SGF29: variants seen among roughly 807,000 people sequenced by gnomAD.
SGF29 encodes the protein SAGA-associated factor 29.
In SGF29, 15 loss-of-function variants were observed where a neutral mutation model predicts 38.1. That is an observed-to-expected ratio of 0.39 (90% CI 0.26 to 0.61). The LOEUF (loss-of-function observed/expected upper bound fraction) is 0.61. SGF29 is among the 20% of genes least tolerant of loss of function. The pLI is 0.49. For missense variants in SGF29, 184 were observed against 394.6 expected (o/e 0.47, Z 4.52); for synonymous variants, 151 against 160.8 (o/e 0.94, Z 0.46).
intron 1 of SGF29, among the ~76,000 whole-genome samples, chr16:28,573,214 G>A (rs2046874882): frequency 6.6e-6 from 1 of 152,110 alleles, no homozygotes; most frequent in Non-Finnish European, 1.5e-5. Flanking sequence ...AAGTGGGGGT[G>A]AGGACCTGGG....
chr16:28,590,935 G>C lies in SGF29; in HGVS notation c.765G>C (p.Arg255=), dbSNP rs1187365142. 6.2e-7 allele frequency: 1 copy of C among 1,607,118 alleles called. No individual in the cohort carries two copies. The highest frequency in any genetic ancestry group is 8.5e-7 in the Non-Finnish European group (1 of 1,176,520). Reference sequence around the variant, plus strand: ...CCCTGATCCATGCGCCCCCACAGCGGGTAAAGCAGCCTCCAGGGGAGAGGC... The same window carrying C: ...CCCTGATCCATGCGCCCCCACAGCGCGTAAAGCAGCCTCCAGGGGAGAGGC... The part of the protein sequence containing the change: ...YRALIHAPPQ[R]PQDDYSVLFE... The change falls in exon 9 of 10, where the codon CGG becomes CGC. Residue 255 remains arginine, a splice_region_variant and synonymous_variant. Transcript: ENST00000317058. The surrounding 1 kb of genome is among the most constrained non-coding windows in gnomAD (Gnocchi z 8.2).
Position 28,562,688 on chromosome 16 carries a change from C to T in SGF29, c.-16+8591C>T, listed in dbSNP as rs553077354. ...GAGGCTGAGGCGGGAGGATTGCCTG[C>T]GCCCAGGAGTTTGAGATCATCCTGG... On this transcript the variant is annotated intron_variant, in intron 1 of 9. Transcript: ENST00000317058. Among the ~76,000 whole-genome samples, 53 of 151,936 alleles carry T rather than the reference C, an allele frequency of 3.5e-4. 1 individual carries two copies. The highest frequency in any genetic ancestry group is 1.2e-3 in the African/African-American group (48 of 41,474).
chr16:28,586,618 C>G lies in SGF29; in HGVS notation c.224+898C>G, dbSNP rs141663301. ...TACATTCCTCTACTTTGAGAACACA[C>G]TGGTTCTGAAGTCTGACTGTGCCCA... On this transcript the variant is annotated intron_variant, in intron 4 of 9. Transcript: ENST00000317058. 4.7e-3 allele frequency among the ~76,000 whole-genome samples: 713 copies of G among 152,188 alleles called. 12 individuals carry two copies. The highest frequency in any genetic ancestry group is 0.016 in the African/African-American group (672 of 41,510).
chr16:28,563,091 T>A (rs2046799489), intron 1 of SGF29, among the ~76,000 whole-genome samples: 1 of 152,082 alleles, frequency 6.6e-6, no homozygotes, highest in Non-Finnish European at 1.5e-5. Context: ...GGATTTGCTT[T>A]AAAACATCCT....
chr16:28,560,923 T>C, intron 1 of SGF29, among the ~76,000 whole-genome samples: 1 of 141,464 alleles, frequency 7.1e-6, no homozygotes, highest in East Asian at 2.1e-4. Flanking sequence ...ATCGCACCAC[T>C]GCACTCCAGC....
At chr16:28,582,793 G>C (rs2151651227) in intron 2 of SGF29, among the ~76,000 whole-genome samples, 1 of 152,206 alleles carries the variant, frequency 6.6e-6, no homozygotes, top group South Asian at 2.1e-4. Context: ...AAATTAGCCG[G>C]GCGTGGTGGT....
chr16:28,557,863 TCA>T (rs2046762049), intron 1 of SGF29, among the ~76,000 whole-genome samples: 1 of 151,776 alleles, frequency 6.6e-6, no homozygotes, highest in Non-Finnish European at 1.5e-5. Flanking sequence ...TGTTTTTTCC[TCA>T]CAGACTGTAG....
chr16:28,575,146 G>C lies in SGF29; in HGVS notation c.-15-5909G>C, dbSNP rs552078085. 5.3e-5 allele frequency among the ~76,000 whole-genome samples: 8 copies of C among 152,232 alleles called. No homozygotes were observed. The South Asian group carries it at 1.2e-3, about 24-fold the overall frequency. On this transcript the variant is annotated intron_variant, in intron 1 of 9. Transcript: ENST00000317058. The stretch of plus-strand genomic sequence containing the variant: ...TGGTATACAAGCCCTGGGGGTACTG[G>C]CACCAGGATCCACCATCTGGCTTCA...
intron 1 of SGF29, among the ~76,000 whole-genome samples, chr16:28,562,631 G>T (rs1596596589): frequency 6.6e-6 from 1 of 152,096 alleles, no homozygotes; most frequent in Non-Finnish European, 1.5e-5. Context: ...GCCGCTCATG[G>T]TGACTCATGC....
intron 1 of SGF29, among the ~76,000 whole-genome samples, chr16:28,556,122 T>C (rs1208679715): frequency 1.3e-5 from 2 of 152,148 alleles, no homozygotes; most frequent in African/African-American, 4.8e-5. Flanking sequence ...GGAAAAAAAT[T>C]GTCTTCTTAA....
chr16:28,573,019 C>G (rs1483194888), intron 1 of SGF29, among the ~76,000 whole-genome samples: 1 of 152,152 alleles, frequency 6.6e-6, no homozygotes, highest in Non-Finnish European at 1.5e-5. Flanking sequence ...CATTTGCCTC[C>G]CCCTCCTGTG....
intron 1 of SGF29, among the ~76,000 whole-genome samples, chr16:28,557,174 A>G (rs1234044253): frequency 6.6e-6 from 1 of 152,196 alleles, no homozygotes; most frequent in Non-Finnish European, 1.5e-5. Context: ...AGTGGTTAAC[A>G]TATGCTTCTA....
At chr16:28,578,874 C>T (rs1471976639) in intron 1 of SGF29, among the ~76,000 whole-genome samples, 3 of 151,768 alleles carry the variant, frequency 2.0e-5, no homozygotes, top group South Asian at 2.1e-4. Flanking sequence ...CCCAGGATGC[C>T]GAGGTTGCAG....
intron 1 of SGF29, among the ~76,000 whole-genome samples, chr16:28,574,641 C>T (rs779104341): frequency 1.2e-4 from 19 of 152,194 alleles, no homozygotes; most frequent in Non-Finnish European, 2.4e-4. Flanking sequence ...CCTGCTTTAG[C>T]AGGAGAGAAT....
At chr16:28,572,796 T>C (rs913632799) in intron 1 of SGF29, among the ~76,000 whole-genome samples, 2 of 152,010 alleles carry the variant, frequency 1.3e-5, no homozygotes, top group Non-Finnish European at 2.9e-5. Context: ...TGTCGCTGGG[T>C]ATGATCCAGT....
At chr16:28,577,907 A>G (rs2046903989) in intron 1 of SGF29, among the ~76,000 whole-genome samples, 3 of 152,288 alleles carry the variant, frequency 2.0e-5, no homozygotes, top group Admixed American at 1.3e-4. Flanking sequence ...TTGTCTTGAC[A>G]CCCTTGTTGA....
rs909222256 is a variant in SGF29, at chr16:28,576,341, C to T, written c.-15-4714C>T. 7.2e-5 allele frequency among the ~76,000 whole-genome samples: 11 copies of T among 152,120 alleles called. No individual in the cohort carries two copies. In the East Asian group the frequency reaches 1.7e-3, roughly 24 times the overall value. ...GTGATGAAATTATCTGTACAACAGA[C>T]CCCCATGACACATATTTACCTATGC... On this transcript the variant is annotated intron_variant, in intron 1 of 9. Transcript: ENST00000317058.
At chr16:28,562,756 T>C (rs186990665) in intron 1 of SGF29, among the ~76,000 whole-genome samples, 94 of 151,896 alleles carry the variant, frequency 6.2e-4, no homozygotes, top group African/African-American at 2.1e-3. Context: ...ATTTAAAAAT[T>C]AGCTGGGTGT....
At chr16:28,568,681 G>A (rs1275785917) in intron 1 of SGF29, among the ~76,000 whole-genome samples, 8 of 152,100 alleles carry the variant, frequency 5.3e-5, no homozygotes, top group African/African-American at 7.2e-5. Context: ...TTGGGAGGCC[G>A]AGGGGGATGG....
Sources: allele counts gnomAD v4.1 joint callset (sites outside exome capture counted in the v4.1 genomes callset), GRCh38; gene constraint gnomAD v4.1.1; non-coding constraint Gnocchi (gnomAD v3.1); transcripts MANE v1.5; gene names NCBI Gene and HGNC (gene_info 2026-07-23, HGNC 2026-07-21).